Variants in PLA2G4F observed in about 807,000 individuals in gnomAD.
The protein encoded by PLA2G4F is phospholipase A2 group IVF, also known as cytosolic phospholipase A2 zeta.
Under a neutral mutation model 103.1 loss-of-function variants are expected in PLA2G4F, and 105 were observed. The ratio of observed to expected loss-of-function variants is 1.02; its 90% CI spans 0.87 to 1.20. The LOEUF (loss-of-function observed/expected upper bound fraction) is 1.20, where lower values mean the gene tolerates loss of function less well. Ranked by LOEUF, PLA2G4F falls within the 50% of genes most tolerant of loss-of-function variation. The pLI, the probability that PLA2G4F is intolerant of heterozygous loss-of-function variation, is 0.00. For missense variants in PLA2G4F, 1,155 were observed against 1,075.9 expected (o/e 1.07, Z -1.03); for synonymous variants, 468 against 441.1 (o/e 1.06, Z -0.76).
rs371207328 is a variant in PLA2G4F, at chr15:42,152,757, G to A, written c.535-3C>T. ...TGGATTCTCAGACAGGGGTGAGCCT[G>A]AGGAAAGCAGAGGCCTGTAGGAGCC... On this transcript the variant is annotated splice_polypyrimidine_tract_variant and splice_region_variant and intron_variant, in intron 6 of 19. Coordinates refer to ENST00000397272, the MANE Select transcript of PLA2G4F (RefSeq NM_213600.4). 17 of 1,553,696 alleles carry A rather than the reference G, an allele frequency of 1.1e-5. No homozygotes were observed. In the African/African-American group the frequency reaches 1.5e-4, roughly 14 times the overall value.
chr15:42,142,946 C>G (rs574373771), intron 18 of PLA2G4F, among the ~76,000 whole-genome samples: 1 of 151,868 alleles, frequency 6.6e-6, no homozygotes, highest in Non-Finnish European at 1.5e-5. Context: ...TTTGGGAGGC[C>G]GAGGCTGGCA....
At chr15:42,144,262 A>G in intron 17 of PLA2G4F, 118 bp from the exon 18 acceptor site, 6 of 1,412,634 alleles carry the variant, frequency 4.2e-6, no homozygotes, top group Non-Finnish European at 5.7e-6. Context: ...ACAGCCATGG[A>G]GACTCCTGCC....
intron 18 of PLA2G4F, 88 bp from the exon 19 acceptor site, chr15:42,142,802 C>T: frequency 7.3e-7 from 1 of 1,372,698 alleles, no homozygotes; most frequent in Non-Finnish European, 1.0e-6. Flanking sequence ...GGCTTCAATG[C>T]CAGCTCTGTT....
In PLA2G4F at chr15:42,141,679, C is replaced by G. The variant is rs1176996083; in HGVS notation, c.*305G>C. 3 of 527,596 alleles carry G rather than the reference C, an allele frequency of 5.7e-6. No individual in the cohort carries two copies. In the African/African-American group the frequency reaches 5.7e-5, roughly 10 times the overall value. The allele number at this position is 527,596 out of a possible 1,614,324, so 32.7% of individuals were successfully genotyped here. A position where few individuals can be genotyped will look rare whatever the true frequency, so the allele number is the denominator to read the frequency against. ...GGTCCTTCTGTGTCTGGGGTGGGCT[C>G]TGTGGCTCACCTGATTCTCTCCACA... On this transcript the variant is annotated 3_prime_UTR_variant, in exon 20 of 20. Transcript: ENST00000397272.
Position 42,154,407 on chromosome 15 carries a change from C to T in PLA2G4F, c.236G>A (p.Ser79Asn). The T allele has an allele frequency of 6.2e-7, 1 of 1,610,330 alleles. No homozygotes were observed. The highest frequency in any genetic ancestry group is 2.2e-5 in the East Asian group (1 of 44,766). ...GGCCACTATCCTAGTCTGGGCAGGG[C>T]TTGGGGACGCCGTGGGCAGCCACAG... ...VQLWLPTASP[S>N]PAQTRIVANC... is the part of the protein sequence containing the mutation. Residue 79 changes from serine (S) to asparagine (N), a missense_variant, in exon 3 of 20, where the codon AGC becomes AAC. By Grantham distance (46) the Ser-to-Asn change is conservative. Coordinates refer to ENST00000397272, the MANE Select transcript of PLA2G4F (RefSeq NM_213600.4).
At position 42,154,176 on chromosome 15, in the gene PLA2G4F, G is replaced by A. The variant is rs1354146434; in HGVS notation, c.366C>T (p.Ser122=). Reference sequence around the variant, plus strand: ...CAAACAGGAGCAGAGAGAGCTGGTCGCTGCCCAGGATGTCCTTGTCATAGA... The same window carrying A: ...CAAACAGGAGCAGAGAGAGCTGGTCACTGCCCAGGATGTCCTTGTCATAGA... ...LTLYDKDILG[S]DQLSLLLFDL... The change falls in exon 4 of 20, where the codon AGC becomes AGT. Residue 122 remains serine, a synonymous_variant. Transcript: ENST00000397272. 6.2e-6 allele frequency: 10 copies of A among 1,614,196 alleles called. No homozygotes were observed. Among genetic ancestry groups the A allele is most frequent in the South Asian group, 2.2e-5 (2 of 91,078 alleles).
rs1211987582 is a variant in PLA2G4F at position 42,155,557 on chromosome 15, C to A, written c.144G>T (p.Val48=). The A allele has an allele frequency of 1.2e-6, 2 of 1,614,148 alleles. No individual in the cohort carries two copies. The highest frequency in any genetic ancestry group is 2.2e-5 in the South Asian group (2 of 91,084). The change falls in exon 2 of 20, where the codon GTG becomes GTT. Residue 48 remains valine, a synonymous_variant. Coordinates refer to ENST00000397272, the MANE Select transcript of PLA2G4F (RefSeq NM_213600.4). ...RETYPYYDLQ[V]KVLRATNIRG... ...GGATGTTTGTGGCCCTCAGCACCTT[C>A]ACCTGGAGGTCATAGTATGGGTAGG... is the stretch of plus-strand genomic sequence containing the variant.
intron 10 of PLA2G4F, 33 bp downstream of exon 10, chr15:42,150,071 C>T (rs756215712): frequency 1.2e-6 from 2 of 1,614,030 alleles, no homozygotes. Flanking sequence ...CTAGCCCAGC[C>T]CCAAGAGGCC....
chr15:42,151,839 GTGTTT>G (rs2048965356), intron 7 of PLA2G4F, among the ~76,000 whole-genome samples: 1 of 152,230 alleles, frequency 6.6e-6, no homozygotes, highest in Non-Finnish European at 1.5e-5. Context: ...CCGTGAGCAA[GTGTTT>G]TCTTTGGGCC....
intron 18 of PLA2G4F, among the ~76,000 whole-genome samples, chr15:42,143,104 A>G (rs1427503659): frequency 2.1e-5 from 3 of 145,266 alleles, no homozygotes; most frequent in East Asian, 4.2e-4. Context: ...ATTTGAACCT[A>G]GGAGGCAGAG....
In PLA2G4F at chr15:42,154,103, G is replaced by A; in HGVS notation, c.439C>T (p.Leu147Phe). 11 of 1,614,216 alleles carry A rather than the reference G, an allele frequency of 6.8e-6. No homozygotes were observed. The highest frequency in any genetic ancestry group is 9.3e-6 in the Non-Finnish European group (11 of 1,180,040). The change falls in exon 4 of 20, where the codon CTC (leucine) becomes TTC (phenylalanine). Residue 147 changes from leucine (L) to phenylalanine (F), a missense_variant. Around this residue, in one of 3 missense-constraint regions of PLA2G4F, gnomAD observed 370 missense variants for 364.9 expected, o/e 1.01. Transcript: ENST00000397272. ...CGQPHKHTFP[L>F]NHQDSQELQV... ...ACTGGTGGGCTCACCTGGTGGTTGAGTGGGAAGGTGTGTTTGTGAGGTTGG... is the reference window on the plus strand; with the variant it reads ...ACTGGTGGGCTCACCTGGTGGTTGAATGGGAAGGTGTGTTTGTGAGGTTGG...
intron 8 of PLA2G4F, 59 bp downstream of exon 8, chr15:42,150,549 C>A: frequency 6.3e-7 from 1 of 1,595,742 alleles, no homozygotes; most frequent in Non-Finnish European, 8.5e-7. Context: ...CCCAACGTGG[C>A]CCTGGAACGC....
Position 42,140,877 on chromosome 15 carries a change from A to C in PLA2G4F, c.*1107T>G. ...TCAGCACTGGAGGCATATGCTGCAG[A>C]GGCCGTGGCCAGATGGAGAGGGCCT... On this transcript the variant is annotated 3_prime_UTR_variant, in exon 20 of 20. Coordinates refer to ENST00000397272, the MANE Select transcript of PLA2G4F (RefSeq NM_213600.4). 4.2e-6 allele frequency: 1 copy of C among 237,634 alleles called. No individual in the cohort carries two copies. The highest frequency in any genetic ancestry group is 9.3e-5 in the East Asian group (1 of 10,764). The allele number at this position is 237,634 out of a possible 1,614,324, so 14.7% of individuals were successfully genotyped here. A position where few individuals can be genotyped will look rare whatever the true frequency, so the allele number is the denominator to read the frequency against.
rs757567786 is a variant in PLA2G4F at position 42,152,726 on chromosome 15, G to A, written c.563C>T (p.Thr188Met). The change falls in exon 7 of 20, where the codon ACG becomes ATG. Residue 188 changes from threonine (T) to methionine (M), a missense_variant. Physicochemically the swap from Thr to Met is moderately conservative, Grantham distance 81. Coordinates refer to ENST00000397272, the MANE Select transcript of PLA2G4F (RefSeq NM_213600.4). The part of the protein sequence containing the change: ...VAHPCLRIQG[T>M]LRGDGTAPRE... ...TGGGGCTGTCCCATCTCCCCGGAGCGTGCCCTGGATTCTCAGACAGGGGTG... is the reference window on the plus strand; with the variant it reads ...TGGGGCTGTCCCATCTCCCCGGAGCATGCCCTGGATTCTCAGACAGGGGTG... 171 of 1,557,674 alleles carry A rather than the reference G, an allele frequency of 1.1e-4. No homozygotes were observed. The highest frequency in any genetic ancestry group is 1.4e-4 in the Non-Finnish European group (160 of 1,150,118).
In PLA2G4F at chr15:42,147,291, G is replaced by A. The variant is rs1412675384; in HGVS notation, c.1252C>T (p.Pro418Ser). The change falls in exon 13 of 20, where the codon CCC becomes TCC. Residue 418 changes from proline to serine, a missense_variant. By Grantham distance (74) the Pro-to-Ser change is moderately conservative. Coordinates refer to ENST00000397272, the MANE Select transcript of PLA2G4F (RefSeq NM_213600.4). ...PAWSQVALQGPIERAQVHVCS... is the reference protein window; with the variant it reads ...PAWSQVALQGSIERAQVHVCS... ...ACGTGAACCTGGGCACGCTCAATGG[G>A]GCCCTGCAAGGCCACCTGGGACCAG... is the stretch of plus-strand genomic sequence containing the variant. The A allele has an allele frequency of 1.9e-6, 3 of 1,610,460 alleles. No homozygotes were observed. The highest frequency in any genetic ancestry group is 1.7e-5 in the Admixed American group (1 of 59,980).
intron 13 of PLA2G4F, 127 bp downstream of exon 13, chr15:42,146,997 C>T: frequency 1.1e-6 from 1 of 951,902 alleles, no homozygotes; most frequent in Non-Finnish European, 1.6e-6. Flanking sequence ...CTCCTGGCCC[C>T]AGGGGAGCCG....
chr15:42,154,293 C>A, intron 3 of PLA2G4F, 29 bp downstream of exon 3: 1 of 1,608,900 alleles, frequency 6.2e-7, no homozygotes, highest in Non-Finnish European at 8.5e-7. Context: ...AGTTCCCCTC[C>A]CGCAGCCTGG....
At chr15:42,150,874 C>A (rs2048953918) in intron 7 of PLA2G4F, 97 bp from the exon 8 acceptor site, 1 of 1,506,702 alleles carries the variant, frequency 6.6e-7, no homozygotes, top group Admixed American at 2.2e-5. Flanking sequence ...CCCCTCCCTT[C>A]TCTTCCCCTA....
rs1463442973 is a variant in PLA2G4F, at chr15:42,144,010, A to G, written c.2110T>C (p.Ser704Pro). Reference sequence around the variant, plus strand: ...GGGGCTTCCAAGGAATAGTCAAAGGACAGAATGAGGTCCACTGCTCTCTGA... The same window carrying G: ...GGGGCTTCCAAGGAATAGTCAAAGGGCAGAATGAGGTCCACTGCTCTCTGA... ...LPQRAVDLIL[S>P]FDYSLEAPFE... Residue 704 changes from serine (S) to proline (P), a missense_variant, in exon 18 of 20, where the codon TCC becomes CCC. Coordinates refer to ENST00000397272, the MANE Select transcript of PLA2G4F (RefSeq NM_213600.4). The G allele has an allele frequency of 6.2e-7, 1 of 1,613,086 alleles. No individual in the cohort carries two copies. The highest frequency in any genetic ancestry group is 1.7e-5 in the Admixed American group (1 of 59,870).
Sources: gnomAD v4.1 joint callset for allele counts (sites outside exome capture counted in the v4.1 genomes callset) on GRCh38, gnomAD v4.1.1 for gene constraint, gnomAD v4.1.1 regional missense constraint, MANE v1.5 for transcripts, NCBI Gene and HGNC (gene_info 2026-07-23, HGNC 2026-07-21) for gene names.